The following KCNB2 variants were observed in gnomAD, a reference collection of about 807,000 sequenced individuals.
KCNB2 encodes the protein potassium voltage-gated channel subfamily B member 2, also known as delayed rectifier potassium channel protein.
A neutral mutation model predicts 61.5 loss-of-function variants in KCNB2; 15 were observed. That is an observed-to-expected ratio of 0.24 (90% CI 0.16 to 0.38). KCNB2 has a LOEUF of 0.38. Among genes scored for constraint, KCNB2 ranks in the 10% least tolerant of loss-of-function variants. The pLI, the probability that KCNB2 is intolerant of heterozygous loss-of-function variation, is 1.00. For missense variants in KCNB2, 828 were observed against 1,125.2 expected, an observed-to-expected ratio of 0.74 and a Z score of 3.78; for synonymous variants, 457 against 446.0, an observed-to-expected ratio of 1.02 and a Z score of -0.31.
chr8:72,577,303 GTA>G (rs1305427020), intron 2 of KCNB2, among the ~76,000 whole-genome samples: 2 of 89,638 alleles, frequency 2.2e-5, no homozygotes, highest in Non-Finnish European at 3.0e-5. Context: ...ATGTGTGTGT[GTA>G]TGTGTGTGTG....
At position 72,832,252 on chromosome 8, in the gene KCNB2, C is replaced by A. The variant is rs142401303; in HGVS notation, c.580-103683C>A. 2.9e-3 allele frequency among the ~76,000 whole-genome samples: 440 copies of A among 152,256 alleles called. 2 individuals carry two copies. Among genetic ancestry groups the A allele is most frequent in the African/African-American group, 9.8e-3 (407 of 41,542 alleles). Reference sequence around the variant, plus strand: ...GGAATGTCAGCCTAAACTCTTTGGACTTTATTTTGCAGAAAATGAGTTATG... The same window carrying A: ...GGAATGTCAGCCTAAACTCTTTGGAATTTATTTTGCAGAAAATGAGTTATG... On this transcript the variant is annotated intron_variant, in intron 2 of 2. Coordinates refer to ENST00000523207, the MANE Select transcript of KCNB2 (RefSeq NM_004770.3).
chr8:72,623,089 G>A (rs1805736242), intron 2 of KCNB2, among the ~76,000 whole-genome samples: 1 of 152,184 alleles, frequency 6.6e-6, no homozygotes, highest in Non-Finnish European at 1.5e-5. Flanking sequence ...CATTGACTGA[G>A]TGTTAATTAT....
chr8:72,539,952 G>A (rs71525175), intron 1 of KCNB2, among the ~76,000 whole-genome samples: 4,037 of 152,210 alleles, frequency 0.027, 56 homozygotes, highest in Non-Finnish European at 0.044. Flanking sequence ...CTAGAATAAC[G>A]AAATGGCAGG....
At chr8:72,565,662 A>ACAC in intron 1 of KCNB2, among the ~76,000 whole-genome samples, 1 of 147,960 alleles carries the variant, frequency 6.8e-6, no homozygotes, top group East Asian at 2.0e-4. Context: ...ACACACACAC[A>ACAC]ACACACACAC....
chr8:72,613,246 AATC>A (rs1271006988), intron 2 of KCNB2, among the ~76,000 whole-genome samples: 2 of 152,240 alleles, frequency 1.3e-5, no homozygotes, highest in South Asian at 2.1e-4. Context: ...AGATAAATTC[AATC>A]ATAGCAAGAA....
intron 2 of KCNB2, among the ~76,000 whole-genome samples, chr8:72,754,678 T>C (rs1034571203): frequency 1.3e-5 from 2 of 152,048 alleles, no homozygotes; most frequent in Admixed American, 6.6e-5. Flanking sequence ...GTTAAGAAAA[T>C]AAAAAGACAA....
chr8:72,641,109 A>G (rs2128985711), intron 2 of KCNB2, among the ~76,000 whole-genome samples: 1 of 152,242 alleles, frequency 6.6e-6, no homozygotes, highest in Admixed American at 6.6e-5. Flanking sequence ...TAATTATGGC[A>G]TTGATGAAAC....
chr8:72,640,853 A>C (rs535800661), intron 2 of KCNB2, among the ~76,000 whole-genome samples: 3 of 152,214 alleles, frequency 2.0e-5, no homozygotes, highest in Non-Finnish European at 4.4e-5. Flanking sequence ...CAATTAATTC[A>C]ATTTTATAGT....
chr8:72,767,971 T>C (rs1808488535), intron 2 of KCNB2, among the ~76,000 whole-genome samples: 1 of 152,244 alleles, frequency 6.6e-6, no homozygotes, highest in South Asian at 2.1e-4. Context: ...GGGTTAATGA[T>C]GTTTTACATC....
At chr8:72,710,494 G>T (rs746571968) in intron 2 of KCNB2, among the ~76,000 whole-genome samples, 1 of 152,148 alleles carries the variant, frequency 6.6e-6, no homozygotes, top group Non-Finnish European at 1.5e-5. Flanking sequence ...AGAAGGGTAT[G>T]TGTGTTTGCG....
At chr8:72,848,182 C>T (rs1304246818) in intron 2 of KCNB2, among the ~76,000 whole-genome samples, 1 of 152,178 alleles carries the variant, frequency 6.6e-6, no homozygotes, top group Non-Finnish European at 1.5e-5. Context: ...TCTATTTTCA[C>T]TCTATCAATC....
chr8:72,754,697 C>T (rs1342194109), intron 2 of KCNB2, among the ~76,000 whole-genome samples: 1 of 152,068 alleles, frequency 6.6e-6, no homozygotes, highest in Non-Finnish European at 1.5e-5. Context: ...AAACTGTGGT[C>T]GAAAAGTAAA....
Position 72,936,917 on chromosome 8 carries a change from A to T in KCNB2, c.1562A>T (p.His521Leu). The change falls in exon 3 of 3, where the codon CAC becomes CTC. Residue 521 changes from histidine (H) to leucine (L), a missense_variant. Around this residue, in one of 4 missense-constraint regions of KCNB2, gnomAD observed 559 missense variants for 588.4 expected, o/e 0.95. Transcript: ENST00000523207. The surrounding 1 kb of genome is among the most constrained non-coding windows in gnomAD (Gnocchi z 5.6). ...KYQEVSQKDS[H>L]EQLNNTSSSS... ...CAGGAGGTTAGCCAAAAAGACTCCC[A>T]CGAGCAGCTGAACAACACGTCTTCC... 6.2e-7 allele frequency: 1 copy of T among 1,614,148 alleles called. No individual in the cohort carries two copies. Among genetic ancestry groups the T allele is most frequent in the Non-Finnish European group, 8.5e-7 (1 of 1,180,016 alleles).
At chr8:72,882,736 G>GAA (rs11370630) in intron 2 of KCNB2, among the ~76,000 whole-genome samples, 2 of 149,134 alleles carry the variant, frequency 1.3e-5, no homozygotes, top group African/African-American at 4.9e-5. Flanking sequence ...AAAAGAAAAA[G>GAA]AAAAAAAAAA....
intron 2 of KCNB2, among the ~76,000 whole-genome samples, chr8:72,584,624 C>T (rs1243899162): frequency 2.0e-5 from 3 of 152,162 alleles, no homozygotes; most frequent in African/African-American, 7.2e-5. Flanking sequence ...CACCTGCCCA[C>T]CCGTGCCCTT....
intron 2 of KCNB2, among the ~76,000 whole-genome samples, chr8:72,598,264 AC>A (rs1317715944): frequency 6.7e-6 from 1 of 149,840 alleles, no homozygotes; most frequent in African/African-American, 2.5e-5. Flanking sequence ...GATCAAGTGG[AC>A]TTCATCACTC....
intron 2 of KCNB2, among the ~76,000 whole-genome samples, chr8:72,815,284 A>G (rs1239951420): frequency 6.6e-6 from 1 of 152,184 alleles, no homozygotes; most frequent in Non-Finnish European, 1.5e-5. Flanking sequence ...TGAGATACGG[A>G]TATTTTAATT....
intron 2 of KCNB2, among the ~76,000 whole-genome samples, chr8:72,691,889 G>A (rs547652543): frequency 6.6e-6 from 1 of 152,232 alleles, no homozygotes; most frequent in African/African-American, 2.4e-5. Flanking sequence ...ACAGAAATGG[G>A]CAGTAAGCAT....
Position 72,858,508 on chromosome 8 carries a change from G to A in KCNB2, c.580-77427G>A, listed in dbSNP as rs1024514589. On this transcript the variant is annotated intron_variant, in intron 2 of 2. Transcript: ENST00000523207. ...ACTTAGCCATTTTCTACTGAAGTTT[G>A]TTAAATAATTTTTTCATACCTGCTT... Among the ~76,000 whole-genome samples, 6 of 152,166 alleles carry A rather than the reference G, an allele frequency of 3.9e-5. No homozygotes were observed. The East Asian group carries it at 1.2e-3, about 29-fold the overall frequency.
Sources: gnomAD v4.1 joint callset for allele counts (sites outside exome capture counted in the v4.1 genomes callset) on GRCh38, gnomAD v4.1.1 for gene constraint, gnomAD v4.1.1 regional missense constraint, Gnocchi (gnomAD v3.1) non-coding constraint, MANE v1.5 for transcripts, NCBI Gene and HGNC (gene_info 2026-07-23, HGNC 2026-07-21) for gene names.